FAAH2: variants seen among roughly 807,000 people sequenced by gnomAD.
The protein encoded by FAAH2 is fatty acid amide hydrolase 2.
In FAAH2, 60 loss-of-function variants were observed where a neutral mutation model predicts 36.9. The ratio of observed to expected loss-of-function variants is 1.63; its 90% CI spans 1.32 to 2.02. The LOEUF (loss-of-function observed/expected upper bound fraction) is 2.02. Among genes scored for constraint, FAAH2 ranks in the 30% most tolerant of loss-of-function variants. The pLI is 0.00. For synonymous variants in FAAH2, 214 were observed against 143.8 expected (o/e 1.49, Z -3.49); for missense variants, 689 against 397.5 (o/e 1.73, Z -6.23).
chrX:57,310,507 T>G, intron 2 of FAAH2, 86 bp from the exon 3 acceptor site: 1 of 1,013,086 alleles, frequency 9.9e-7, no homozygotes, highest in Non-Finnish European at 1.3e-6. Flanking sequence ...TGATTACATA[T>G]TAACATGTTG....
intron 7 of FAAH2, chrX:57,381,666 G>C (rs1021226084): frequency 5.7e-6 from 1 of 174,704 alleles, no homozygotes; most frequent in African/African-American, 3.1e-5. Flanking sequence ...GGAGCACCCA[G>C]ATTCATAAAG....
the FAAH2 span, among the ~76,000 whole-genome samples, chrX:57,262,725 T>A: frequency 9.0e-6 from 1 of 111,689 alleles, no homozygotes; most frequent in South Asian, 3.7e-4. Flanking sequence ...ACAATATTAG[T>A]AAATACAATT....
At chrX:57,403,694 C>T (rs755071563) in intron 7 of FAAH2, among the ~76,000 whole-genome samples, 36 of 112,434 alleles carry the variant, frequency 3.2e-4, no homozygotes, top group Non-Finnish European at 5.6e-4. Context: ...ATTTTCTTAA[C>T]TCTGCTTCTA....
chrX:57,277,914 A>G, the FAAH2 span, among the ~76,000 whole-genome samples: 1 of 111,965 alleles, frequency 8.9e-6, no homozygotes, highest in African/African-American at 3.2e-5. Flanking sequence ...CTGCTCAAGG[A>G]AGTAAAACCG....
At chrX:57,417,439 A>G (rs1343583311) in intron 7 of FAAH2, among the ~76,000 whole-genome samples, 1 of 111,267 alleles carries the variant, frequency 9.0e-6, no homozygotes, top group Non-Finnish European at 1.9e-5. Flanking sequence ...GTTGATGTTG[A>G]TGCTATCCCT....
chrX:57,311,030 C>A (rs1045323779), intron 3 of FAAH2, among the ~76,000 whole-genome samples: 2 of 111,321 alleles, frequency 1.8e-5, no homozygotes, highest in Non-Finnish European at 3.8e-5. Context: ...GGCTCATGAC[C>A]CTAAAGTAGT....
the FAAH2 span, among the ~76,000 whole-genome samples, chrX:57,212,986 G>A: frequency 9.0e-6 from 1 of 110,868 alleles, no homozygotes; most frequent in African/African-American, 3.3e-5. Flanking sequence ...TTTGGGGAGG[G>A]GTTGTTTTTA....
At chrX:57,166,514 G>A in the FAAH2 span, among the ~76,000 whole-genome samples, 1 of 112,042 alleles carries the variant, frequency 8.9e-6, no homozygotes, top group Non-Finnish European at 1.9e-5. Context: ...AAAGAAGTAA[G>A]ACTCACCCCC....
chrX:57,228,556 C>T, the FAAH2 span, among the ~76,000 whole-genome samples: 2 of 111,280 alleles, frequency 1.8e-5, no homozygotes, highest in African/African-American at 6.5e-5. Context: ...TGGGTCCTCT[C>T]AGGATTGCTG....
chrX:57,433,563 T>C (rs1320962750), intron 8 of FAAH2, among the ~76,000 whole-genome samples: 1 of 112,480 alleles, frequency 8.9e-6, no homozygotes, highest in East Asian at 2.8e-4. Flanking sequence ...TGTGTAGTTA[T>C]GAAATCTGTA....
intron 7 of FAAH2, chrX:57,381,536 A>G (rs1031019089): frequency 1.2e-5 from 8 of 685,716 alleles, no homozygotes; most frequent in Non-Finnish European, 1.4e-5. Flanking sequence ...TATTCAATGT[A>G]ATAATAATAC....
At chrX:57,287,408 T>G (rs1047824873) in intron 1 of FAAH2, among the ~76,000 whole-genome samples, 4 of 111,322 alleles carry the variant, frequency 3.6e-5, no homozygotes, top group Non-Finnish European at 7.5e-5. Flanking sequence ...CAGATCAACC[T>G]GCTGCTTACC....
Position 57,448,692 on chromosome X carries a change from C to T in FAAH2, c.1397C>T (p.Thr466Ile). ...GCACCTAAGCATCATGTCCCTCTAA[C>T]ACGGCCTTTCAACTTTGCTTACACA... ...TVAPKHHVPL[T>I]RPFNFAYTGV... The change falls in exon 10 of 11, where the codon ACA (threonine) becomes ATA (isoleucine). Residue 466 changes from threonine (T) to isoleucine (I), a missense_variant. Physicochemically the swap from Thr to Ile is moderately conservative, Grantham distance 89. Transcript: ENST00000374900. The T allele has an allele frequency of 8.3e-7, 1 of 1,209,870 alleles. No homozygotes were observed. The highest frequency in any genetic ancestry group is 1.1e-6 in the Non-Finnish European group (1 of 894,430).
intron 5 of FAAH2, among the ~76,000 whole-genome samples, chrX:57,362,221 A>G (rs766745340): frequency 9.0e-6 from 1 of 111,540 alleles, no homozygotes; most frequent in South Asian, 3.8e-4. Flanking sequence ...ATGAAGCTGC[A>G]AACCATCATT....
intron 10 of FAAH2, among the ~76,000 whole-genome samples, chrX:57,450,287 A>T (rs1322099777): frequency 9.1e-6 from 1 of 109,461 alleles, no homozygotes; most frequent in African/African-American, 3.3e-5. Context: ...TATATACGAG[A>T]TACTAGAAGC....
chrX:57,482,497 C>A (rs1187744176), intron 10 of FAAH2, among the ~76,000 whole-genome samples: 1 of 110,317 alleles, frequency 9.1e-6, no homozygotes, highest in African/African-American at 3.3e-5. Context: ...AGAGGGAGGT[C>A]CCCCAACTTC....
intron 7 of FAAH2, among the ~76,000 whole-genome samples, chrX:57,419,500 G>A (rs1388399094): frequency 8.9e-6 from 1 of 112,061 alleles, no homozygotes; most frequent in South Asian, 3.7e-4. Context: ...GTGTTTTTTG[G>A]CAGCATAAAT....
the FAAH2 span, among the ~76,000 whole-genome samples, chrX:57,238,766 A>T: frequency 2.7e-5 from 3 of 111,684 alleles, no homozygotes; most frequent in Admixed American, 1.9e-4. Context: ...ATAGTACCTG[A>T]TATGCATTTT....
At chrX:57,341,231 A>C in intron 4 of FAAH2, 40 bp from the exon 5 acceptor site, 1 of 1,179,209 alleles carries the variant, frequency 8.5e-7, no homozygotes, top group Non-Finnish European at 1.1e-6. Context: ...CAAATAGTAT[A>C]TTAGATTATT....
Sources: allele counts gnomAD v4.1 joint callset (sites outside exome capture counted in the v4.1 genomes callset), GRCh38; gene constraint gnomAD v4.1.1; transcripts MANE v1.5; gene names NCBI Gene and HGNC (gene_info 2026-07-23, HGNC 2026-07-21).